Variants in DNASE1L1 observed in about 807,000 individuals in gnomAD.
DNASE1L1 encodes deoxyribonuclease-1-like 1.
In DNASE1L1, 8 loss-of-function variants were observed where a neutral mutation model predicts 18.6. That is an observed-to-expected ratio of 0.43 (90% CI 0.25 to 0.78). DNASE1L1 has a LOEUF of 0.78. Ranked by LOEUF, DNASE1L1 falls within the 30% of genes least tolerant of loss-of-function variation. DNASE1L1 has a pLI of 0.23. For missense variants in DNASE1L1, 214 were observed against 258.2 expected, an observed-to-expected ratio of 0.83 and a Z score of 1.17; for synonymous variants, 114 against 114.2, an observed-to-expected ratio of 1.00 and a Z score of 0.01.
rs1557187966 is a variant in DNASE1L1, at chrX:154,404,870, A to C, written c.269T>G (p.Leu90Arg). The C allele has an allele frequency of 5.8e-6, 7 of 1,211,600 alleles. No homozygotes were observed. The highest frequency in any genetic ancestry group is 7.8e-6 in the Non-Finnish European group (7 of 895,437). Reference sequence around the variant, plus strand: ...CGTCTCCATGTAGGTGCTGCGCCCCAGCTGGGGGCTGCTCAGGGTGCTGTA... The same window carrying C: ...CGTCTCCATGTAGGTGCTGCGCCCCCGCTGGGGGCTGCTCAGGGTGCTGTA... ...GPYSTLSSPQ[L>R]GRSTYMETYV... Residue 90 changes from leucine to arginine, a missense_variant, in exon 4 of 8, where the codon CTG (leucine) becomes CGG (arginine). Physicochemically the swap from Leu to Arg is moderately radical, Grantham distance 102. Transcript: ENST00000369807.
At chrX:154,404,753 G>A in intron 4 of DNASE1L1, 75 bp downstream of exon 4, 1 of 1,007,642 alleles carries the variant, frequency 9.9e-7, no homozygotes, top group Non-Finnish European at 1.3e-6. Flanking sequence ...TGTGGCCCCG[G>A]GGACTAATGA....
At chrX:154,404,385 T>C (rs2068109704) in intron 4 of DNASE1L1, among the ~76,000 whole-genome samples, 1 of 111,388 alleles carries the variant, frequency 9.0e-6, no homozygotes, top group African/African-American at 3.3e-5. Flanking sequence ...TCAGTTCTCC[T>C]TCCCTGCAGC....
At position 154,402,688 on chromosome X, in the gene DNASE1L1, T is replaced by C; in HGVS notation, c.*19A>G. 8.4e-7 allele frequency: 1 copy of C among 1,197,342 alleles called. No homozygotes were observed. Among genetic ancestry groups the C allele is most frequent in the Non-Finnish European group, 1.1e-6 (1 of 887,386 alleles). On this transcript the variant is annotated 3_prime_UTR_variant, in exon 8 of 8. Coordinates refer to ENST00000369807, the MANE Select transcript of DNASE1L1 (RefSeq NM_001303620.2). ...TTAAGTCCCAAAAGGCAGCAGGCCC[T>C]GGGGGGGTAGGGGGACGCTCAGGCA...
At position 154,403,087 on chromosome X, in the gene DNASE1L1, A is replaced by G; in HGVS notation, c.629T>C (p.Ile210Thr). ...LRTEPGFHWV[I>T]ADGEDTTVRA... ...CACTGTGGTGTCCTCCCCATCGGCA[A>G]TCACCCAGTGGAAGCCTGGCTCAGT... The change falls in exon 7 of 8, where the codon ATT becomes ACT. Residue 210 changes from isoleucine to threonine, a missense_variant. Coordinates refer to ENST00000369807, the MANE Select transcript of DNASE1L1 (RefSeq NM_001303620.2). 1 of 1,211,667 alleles carries G rather than the reference A, an allele frequency of 8.3e-7. No individual in the cohort carries two copies. The highest frequency in any genetic ancestry group is 1.8e-5 in the South Asian group (1 of 57,014).
rs782813635 is a variant in DNASE1L1, at chrX:154,403,269, C to T, written c.525G>A (p.Lys175=). 30 of 1,209,106 alleles carry T rather than the reference C, an allele frequency of 2.5e-5. No individual in the cohort carries two copies. The highest frequency in any genetic ancestry group is 3.1e-5 in the Non-Finnish European group (28 of 894,372). ...TCCTGTACAAACTGCCCAGGCCTAC[C>T]TTGCTCTGCCAGTGCTGGGAGACCT... The part of the protein sequence containing the change: ...FLEVSQHWQS[K]DVILLGDFNA... Residue 175 remains lysine, a splice_region_variant and synonymous_variant, in exon 6 of 8, where the codon AAG becomes AAA. Transcript: ENST00000369807.
chrX:154,402,849 T>C lies in DNASE1L1; in HGVS notation c.775-8A>G, dbSNP rs1557187169. On this transcript the variant is annotated splice_polypyrimidine_tract_variant and splice_region_variant and intron_variant, in intron 7 of 7. Transcript: ENST00000369807. ...GTCACTGATGTTGAGGGCCTGGGAA[T>C]GGGTGGTGGGGCAGTGTCAGTGCCC... 3.3e-6 allele frequency: 4 copies of C among 1,207,376 alleles called. No individual in the cohort carries two copies. The highest frequency in any genetic ancestry group is 4.5e-6 in the Non-Finnish European group (4 of 892,548).
At chrX:154,410,368 C>T (rs782525394), upstream of DNASE1L1, among the ~76,000 whole-genome samples, 8 of 110,019 alleles carry the variant, frequency 7.3e-5, no homozygotes, top group African/African-American at 2.6e-4. Flanking sequence ...GCTTGACCAA[C>T]ATGAAGAAAC....
At position 154,402,670 on chromosome X, in the gene DNASE1L1, C is replaced by T; in HGVS notation, c.*37G>A. Reference sequence around the variant, plus strand: ...GACGGGGGAGGCTGGGGTTTAAGTCCCAAAAGGCAGCAGGCCCTGGGGGGG... The same window carrying T: ...GACGGGGGAGGCTGGGGTTTAAGTCTCAAAAGGCAGCAGGCCCTGGGGGGG... On this transcript the variant is annotated 3_prime_UTR_variant, in exon 8 of 8. Transcript: ENST00000369807. The T allele has an allele frequency of 8.5e-7, 1 of 1,177,893 alleles. No homozygotes were observed. Among genetic ancestry groups the T allele is most frequent in the East Asian group, 3.0e-5 (1 of 32,820 alleles).
At chrX:154,408,997 C>T (rs1055406145) in intron 1 of DNASE1L1, 115 bp downstream of exon 1, 8 of 267,892 alleles carry the variant, frequency 3.0e-5, no homozygotes, top group Non-Finnish European at 6.0e-5. Flanking sequence ...GCCCCAAACC[C>T]TGGCTGTCAA....
At position 154,402,439 on chromosome X, in the gene DNASE1L1, C is replaced by CTGGATGGACGGGGGAGG. The variant is rs1569552367; in HGVS notation, c.*267_*268insCCTCCCCCGTCCATCCA. 1.2e-4 allele frequency: 38 copies of CTGGATGGACGGGGGAGG among 306,490 alleles called. No individual in the cohort carries two copies. The highest frequency in any genetic ancestry group is 2.1e-4 in the Non-Finnish European group (36 of 173,975). 25.3% of individuals were successfully genotyped at this position (306,490 alleles called of 1,213,427 possible). A position where few individuals can be genotyped will look rare whatever the true frequency, so the allele number is the denominator to read the frequency against. ...TTCCTCTTTCTGAACCCTCCCTTCC[C>CTGGATGGACGGGGGAGG]CTACCCCAACCCAGAGCCCACTTTG... On this transcript the variant is annotated 3_prime_UTR_variant, in exon 8 of 8. Coordinates refer to ENST00000369807, the MANE Select transcript of DNASE1L1 (RefSeq NM_001303620.2).
chrX:154,408,392 T>C (rs1175433018), intron 1 of DNASE1L1, among the ~76,000 whole-genome samples: 1 of 111,844 alleles, frequency 8.9e-6, no homozygotes, highest in Admixed American at 9.5e-5. Flanking sequence ...CTCCCGGCAG[T>C]GAAGGGTGTG....
intron 1 of DNASE1L1, among the ~76,000 whole-genome samples, chrX:154,407,431 G>T (rs1287445494): frequency 2.9e-5 from 3 of 103,373 alleles, no homozygotes; most frequent in African/African-American, 1.1e-4. Context: ...TAGAGACAGG[G>T]TTTCACCATC....
chrX:154,403,491 C>G, intron 5 of DNASE1L1, 31 bp downstream of exon 5: 2 of 1,202,162 alleles, frequency 1.7e-6, no homozygotes, highest in Non-Finnish European at 2.3e-6. Flanking sequence ...CCTTCTGCTC[C>G]CACATACCAA....
chrX:154,402,442 AC>A lies in DNASE1L1; in HGVS notation c.*264del, dbSNP rs782084846. ...CTCTTTCTGAACCCTCCCTTCCCCT[AC>A]CCCAACCCAGAGCCCACTTTGTCTC... On this transcript the variant is annotated 3_prime_UTR_variant, in exon 8 of 8. Transcript: ENST00000369807. 23 of 304,453 alleles carry A rather than the reference AC, an allele frequency of 7.6e-5. No individual in the cohort carries two copies. Among genetic ancestry groups the A allele is most frequent in the South Asian group, 6.5e-4 (8 of 12,361 alleles). 25.1% of individuals were successfully genotyped at this position (304,453 alleles called of 1,213,427 possible). A position where few individuals can be genotyped will look rare whatever the true frequency, so the allele number is the denominator to read the frequency against.
At position 154,401,254 on chromosome X, in the gene DNASE1L1, C is replaced by A. The variant is rs1569552312; in HGVS notation, c.*1453G>T. ...GAGGGGCTTGTGGGCTAGAGGCTGA[C>A]CAGCAGCGTTTATTTAGCAAGGGTA... On this transcript the variant is annotated 3_prime_UTR_variant, in exon 8 of 8. Transcript: ENST00000369807. 2 of 253,825 alleles carry A rather than the reference C, an allele frequency of 7.9e-6. No homozygotes were observed. Among genetic ancestry groups the A allele is most frequent in the Non-Finnish European group, 1.4e-5 (2 of 138,149 alleles). The allele number at this position is 253,825 out of a possible 1,213,427, so 20.9% of individuals were successfully genotyped here. A position where few individuals can be genotyped will look rare whatever the true frequency, so the allele number is the denominator to read the frequency against.
At chrX:154,411,563 G>C (rs1025298161), upstream of DNASE1L1, 5 of 387,591 alleles carry the variant, frequency 1.3e-5, no homozygotes, top group African/African-American at 5.3e-5. Flanking sequence ...GCACCGGGCC[G>C]GGGTGCCAGC....
chrX:154,411,894 G>T (rs1603376560), upstream of DNASE1L1: 5 of 1,207,561 alleles, frequency 4.1e-6, no homozygotes, highest in Non-Finnish European at 5.6e-6. Flanking sequence ...CGCTCACCTG[G>T]ACCCTGGCCA....
chrX:154,403,704 G>C, intron 4 of DNASE1L1, 82 bp from the exon 5 acceptor site: 1 of 813,102 alleles, frequency 1.2e-6, no homozygotes. Flanking sequence ...TCAGGGAGGG[G>C]CCCTCCACTA....
rs1603370401 is a variant in DNASE1L1 at position 154,401,871 on chromosome X, C to T, written c.*836G>A. ...ACCATAAATGTGATTATAGTTAACA[C>T]ATGACCCTTCTAGCGTCCCAGCCAG... On this transcript the variant is annotated 3_prime_UTR_variant, in exon 8 of 8. Coordinates refer to ENST00000369807, the MANE Select transcript of DNASE1L1 (RefSeq NM_001303620.2). 1 of 111,996 alleles carries T rather than the reference C, an allele frequency of 8.9e-6. No homozygotes were observed. Among genetic ancestry groups the T allele is most frequent in the East Asian group, 2.8e-4 (1 of 3,591 alleles). 9.2% of individuals were successfully genotyped at this position (111,996 alleles called of 1,213,427 possible).
Sources: allele counts gnomAD v4.1 joint callset (sites outside exome capture counted in the v4.1 genomes callset), GRCh38; gene constraint gnomAD v4.1.1; transcripts MANE v1.5; gene names NCBI Gene and HGNC (gene_info 2026-07-23, HGNC 2026-07-21).